RCOR2: variants seen among roughly 807,000 people sequenced by gnomAD.
The protein encoded by RCOR2 is REST corepressor 2.
A neutral mutation model predicts 58.9 loss-of-function variants in RCOR2; 19 were observed. That is an observed-to-expected ratio of 0.32 (90% CI 0.23 to 0.47). The LOEUF is 0.47. RCOR2 is among the 20% of genes least tolerant of loss of function. The pLI is 1.00. For synonymous variants in RCOR2, 286 were observed against 278.7 expected (o/e 1.03, Z -0.26); for missense variants, 590 against 707.9 (o/e 0.83, Z 1.89).
chr11:63,915,157 C>G, intron 3 of RCOR2, 21 bp downstream of exon 3: 8 of 1,549,434 alleles, frequency 5.2e-6, no homozygotes, highest in Non-Finnish European at 7.0e-6. Context: ...CCCCCACCTC[C>G]CAGGGCTGTG....
At chr11:63,918,466 G>A (rs1207714637), upstream of RCOR2, among the ~76,000 whole-genome samples, 4 of 152,166 alleles carry the variant, frequency 2.6e-5, no homozygotes, top group African/African-American at 7.2e-5. Flanking sequence ...CAGCGGCCAC[G>A]TTGCCCGCCA....
At chr11:63,923,890 T>C in the RCOR2 span, among the ~76,000 whole-genome samples, 2 of 152,148 alleles carry the variant, frequency 1.3e-5, no homozygotes, top group African/African-American at 4.8e-5. Context: ...GCCTGCCCCT[T>C]CCCTATCCCT....
At chr11:63,920,391 G>A (rs1473941231), upstream of RCOR2, among the ~76,000 whole-genome samples, 1 of 152,136 alleles carries the variant, frequency 6.6e-6, no homozygotes, top group Non-Finnish European at 1.5e-5. Context: ...TCCCGCAGGC[G>A]GGGGCAGCTC....
chr11:63,917,937 C>A (rs1941883268), upstream of RCOR2, among the ~76,000 whole-genome samples: 1 of 152,094 alleles, frequency 6.6e-6, no homozygotes, highest in African/African-American at 2.4e-5. Flanking sequence ...GGTAGAGCGG[C>A]ACAGACGGAG....
intron 1 of RCOR2, 148 bp downstream of exon 1, chr11:63,916,182 T>C: frequency 1.3e-6 from 1 of 790,278 alleles, no homozygotes; most frequent in Non-Finnish European, 2.0e-6. Context: ...GCAGCCTGGG[T>C]TTGTGGGAGA....
chr11:63,919,509 G>A (rs1941902107), upstream of RCOR2, among the ~76,000 whole-genome samples: 1 of 152,132 alleles, frequency 6.6e-6, no homozygotes, highest in Non-Finnish European at 1.5e-5. Context: ...ACCTTTCCCT[G>A]GCTCCACTTG....
intron 8 of RCOR2, among the ~76,000 whole-genome samples, chr11:63,913,184 ATT>A (rs71039683): frequency 0.25 from 19,091 of 76,858 alleles, 1,716 homozygotes; most frequent in East Asian, 0.34. Context: ...ATATATATAT[ATT>A]TTTTTTTTTT....
chr11:63,912,364 T>A lies in RCOR2; in HGVS notation c.1198A>T (p.Met400Leu). The A allele has an allele frequency of 6.2e-7, 1 of 1,613,634 alleles. No individual in the cohort carries two copies. Among genetic ancestry groups the A allele is most frequent in the Non-Finnish European group, 8.5e-7 (1 of 1,179,926 alleles). Residue 400 changes from methionine (M) to leucine (L), a missense_variant, in exon 11 of 12, where the codon ATG (methionine) becomes TTG (leucine). By Grantham distance (15) the Met-to-Leu change is conservative. Coordinates refer to ENST00000301459, the MANE Select transcript of RCOR2 (RefSeq NM_173587.4). ...QDGAPGAPVP[M>L]EEARRGAPLP... The stretch of plus-strand genomic sequence containing the variant: ...GGAGCCCCTCTCCTAGCCTCCTCCA[T>A]GGGGACTGGGGCTCCAGGGGCCCCA...
At chr11:63,921,216 G>A (rs931679555), upstream of RCOR2, among the ~76,000 whole-genome samples, 10 of 152,168 alleles carry the variant, frequency 6.6e-5, no homozygotes, top group Non-Finnish European at 1.5e-4. Context: ...GAGCCTGCTT[G>A]GTTTCTCCGG....
the RCOR2 span, among the ~76,000 whole-genome samples, chr11:63,927,630 C>T: frequency 2.0e-5 from 3 of 152,118 alleles, no homozygotes; most frequent in Non-Finnish European, 2.9e-5. Flanking sequence ...ACCTGTCTTA[C>T]CCCAGCAACT....
At chr11:63,915,673 C>T (rs1941846655) in intron 1 of RCOR2, 62 bp from the exon 2 acceptor site, 2 of 427,012 alleles carry the variant, frequency 4.7e-6, no homozygotes, top group Non-Finnish European at 4.4e-6. Context: ...GAGGATGTGG[C>T]GGGCGGGGGA....
chr11:63,915,640 C>A (rs755497445), intron 1 of RCOR2, 29 bp from the exon 2 acceptor site: 1 of 593,238 alleles, frequency 1.7e-6, no homozygotes, highest in African/African-American at 2.1e-5. Context: ...GCAGTCAGGA[C>A]TCCAGGGAGG....
In RCOR2 at chr11:63,913,640, G is replaced by A. The variant is rs188758626; in HGVS notation, c.891+314C>T. ...TGGGATTACAGGTGTGTGCCACCAC[G>A]CCCAGCTAATTTTTGTATTTTTAGT... On this transcript the variant is annotated intron_variant, in intron 8 of 11. Transcript: ENST00000301459. Among the ~76,000 whole-genome samples the A allele has an allele frequency of 6.9e-4, 104 of 150,786 alleles. 3 individuals are homozygous for A. Among genetic ancestry groups the A allele is most frequent in the Admixed American group, 3.4e-3 (51 of 15,098 alleles).
chr11:63,924,911 C>T, the RCOR2 span, among the ~76,000 whole-genome samples: 14 of 149,148 alleles, frequency 9.4e-5, no homozygotes, highest in East Asian at 8.0e-4. Context: ...AGTGCAATGG[C>T]GCGATCTTGG....
intron 3 of RCOR2, 86 bp from the exon 4 acceptor site, chr11:63,915,040 G>A (rs1261983512): frequency 3.5e-5 from 55 of 1,573,334 alleles, no homozygotes; most frequent in East Asian, 9.0e-5. Context: ...ACCCCACAAC[G>A]GCCAGGTCCC....
chr11:63,917,262 G>A (rs1266587247), upstream of RCOR2, among the ~76,000 whole-genome samples: 1 of 151,912 alleles, frequency 6.6e-6, no homozygotes, highest in Admixed American at 6.5e-5. Context: ...GGGTGGGAGG[G>A]AGGGCCCGGG....
chr11:63,914,854 C>G (rs759447717), intron 4 of RCOR2, 38 bp from the exon 5 acceptor site: 1 of 1,609,134 alleles, frequency 6.2e-7, no homozygotes, highest in African/African-American at 1.3e-5. Context: ...CTGAGCTGCC[C>G]CGGCACCGTT....
Position 63,916,741 on chromosome 11 carries a change from T to TAATC in RCOR2, c.-286_-285insGATT. Reference sequence around the variant, plus strand: ...GTGCGGCTGGGGCGTGATTACTATGTACGCCCCTCAGGGTTGGGGTTCCCC... The same window carrying TAATC: ...GTGCGGCTGGGGCGTGATTACTATGTAATCACGCCCCTCAGGGTTGGGGTTCCCC... On this transcript the variant is annotated 5_prime_UTR_variant, in exon 1 of 12. Transcript: ENST00000301459. 2.4e-6 allele frequency: 1 copy of TAATC among 422,918 alleles called. No individual in the cohort carries two copies. The highest frequency in any genetic ancestry group is 4.2e-6 in the Non-Finnish European group (1 of 235,764). The allele number at this position is 422,918 out of a possible 1,614,324, so 26.2% of individuals were successfully genotyped here. A position where few individuals can be genotyped will look rare whatever the true frequency, so the allele number is the denominator to read the frequency against.
At chr11:63,913,908 G>A (rs1262115305) in intron 8 of RCOR2, 46 bp downstream of exon 8, 6 of 1,573,108 alleles carry the variant, frequency 3.8e-6, no homozygotes, top group Non-Finnish European at 3.5e-6. Flanking sequence ...GTTCCCAGGT[G>A]CCGAATGCCA....
Sources: allele counts gnomAD v4.1 joint callset (sites outside exome capture counted in the v4.1 genomes callset), GRCh38; gene constraint gnomAD v4.1.1; transcripts MANE v1.5; gene names NCBI Gene and HGNC (gene_info 2026-07-23, HGNC 2026-07-21).